H2BC12: variants seen among roughly 807,000 people sequenced by gnomAD.
H2BC12 encodes the protein H2B clustered histone 12.
A neutral mutation model predicts 6.3 loss-of-function variants in H2BC12; 6 were observed. The ratio of observed to expected loss-of-function variants is 0.95; its 90% CI spans 0.52 to 1.87. H2BC12 has a LOEUF of 1.87. Ranked by LOEUF, H2BC12 falls within the 40% of genes most tolerant of loss-of-function variation. The pLI, the probability that H2BC12 is intolerant of heterozygous loss-of-function variation, is 0.01. For missense variants in H2BC12, 119 were observed against 178.4 expected, an observed-to-expected ratio of 0.67 and a Z score of 1.90; for synonymous variants, 132 against 78.5, an observed-to-expected ratio of 1.68 and a Z score of -3.60.
chr6:27,139,683 CAA>C, the H2BC12 span: 167 of 1,529,476 alleles, frequency 1.1e-4, no homozygotes, highest in Admixed American at 2.0e-4. Flanking sequence ...AAGCTTTCAA[CAA>C]AAGAGTTGAA....
At chr6:27,140,348 C>G in the H2BC12 span, among the ~76,000 whole-genome samples, 4 of 152,136 alleles carry the variant, frequency 2.6e-5, no homozygotes, top group Non-Finnish European at 4.4e-5. Flanking sequence ...GTTTACTGTT[C>G]CCACGCGTTT....
At chr6:27,139,831 G>A in the H2BC12 span, 13,518 of 771,168 alleles carry the variant, frequency 0.018, 383 homozygotes, top group East Asian at 0.1. Context: ...AAGGCCAGAA[G>A]AGCCTCTGCT....
At chr6:27,145,343 TC>T (rs1409888471), downstream of H2BC12, among the ~76,000 whole-genome samples, 2 of 123,742 alleles carry the variant, frequency 1.6e-5, no homozygotes, top group Non-Finnish European at 3.6e-5. Context: ...CACACAAAAT[TC>T]CCCTGTGAAA....
chr6:27,144,472 G>C (rs1030032626), downstream of H2BC12, among the ~76,000 whole-genome samples: 132 of 119,852 alleles, frequency 1.1e-3, 11 homozygotes, highest in South Asian at 2.3e-3. Context: ...GGGGGGGGGG[G>C]GGGGGCGGAA....
chr6:27,139,942 G>C, the H2BC12 span: 8 of 313,954 alleles, frequency 2.5e-5, no homozygotes, highest in African/African-American at 1.3e-4. Context: ...ATAGGGGCGG[G>C]CTAGATAATT....
chr6:27,139,730 G>A, the H2BC12 span: 1 of 1,426,316 alleles, frequency 7.0e-7, no homozygotes, highest in Non-Finnish European at 9.3e-7. Context: ...TAGGGCCATT[G>A]TCAGTGAGTT....
Position 27,146,609 on chromosome 6 carries a change from TCATGATTCC to T in H2BC12, c.181_189del (p.Gly61_Met63del). The T allele has an allele frequency of 6.2e-7, 1 of 1,614,256 alleles. No homozygotes were observed. Among genetic ancestry groups the T allele is most frequent in the South Asian group, 1.1e-5 (1 of 91,088 alleles). On this transcript the variant is annotated inframe_deletion, in exon 1 of 1. Transcript: ENST00000356950. The stretch of plus-strand genomic sequence containing the variant: ...TCGAAGATGTCGTTGACGAAGGAGT[TCATGATTCC>T]CATGGCCTTAGAGGAGATGCCGGTG...
the H2BC12 span, among the ~76,000 whole-genome samples, chr6:27,140,282 C>T: frequency 6.6e-6 from 1 of 152,182 alleles, no homozygotes; most frequent in Non-Finnish European, 1.5e-5. Context: ...CACAGCCCTC[C>T]CTTTTTCCTA....
downstream of H2BC12, among the ~76,000 whole-genome samples, chr6:27,144,584 A>G (rs539398612): frequency 6.6e-6 from 1 of 151,172 alleles, no homozygotes; most frequent in East Asian, 2.0e-4. Context: ...CAGTATTTCT[A>G]TTAAAACACA....
chr6:27,142,937 A>G (rs932576676), downstream of H2BC12, among the ~76,000 whole-genome samples: 1 of 152,026 alleles, frequency 6.6e-6, no homozygotes, highest in Non-Finnish European at 1.5e-5. Flanking sequence ...ACGTGGCCAC[A>G]TTATATTTCT....
the H2BC12 span, chr6:27,139,696 A>G: frequency 6.6e-7 from 1 of 1,514,308 alleles, no homozygotes; most frequent in Non-Finnish European, 8.8e-7. Flanking sequence ...AAGAGTTGAA[A>G]TGACTGCAAA....
chr6:27,139,500 G>T, the H2BC12 span: 1 of 1,612,130 alleles, frequency 6.2e-7, no homozygotes, highest in Non-Finnish European at 8.5e-7. Flanking sequence ...TGTTCCTGGA[G>T]AACGTGATCC....
downstream of H2BC12, among the ~76,000 whole-genome samples, chr6:27,145,134 G>GT (rs1334931332): frequency 6.6e-6 from 1 of 152,122 alleles, no homozygotes; most frequent in Non-Finnish European, 1.5e-5. Context: ...GAATATTAAT[G>GT]TAACCCCAAA....
chr6:27,143,363 AAAT>A (rs10558149), downstream of H2BC12, among the ~76,000 whole-genome samples: 13,313 of 151,970 alleles, frequency 0.088, 1,125 homozygotes, highest in African/African-American at 0.21. Flanking sequence ...AAAAAGAAAA[AAAT>A]TTCCTTTCCT....
Position 27,146,395 on chromosome 6 carries a change from T to TTG in H2BC12, c.*22_*23insCA, listed in dbSNP as rs1342332817. The TTG allele has an allele frequency of 1.9e-6, 3 of 1,614,204 alleles. No individual in the cohort carries two copies. The highest frequency in any genetic ancestry group is 2.5e-6 in the Non-Finnish European group (3 of 1,180,036). ...CTTAAAAGAGCCTTTGGGGTTGGGC[T>TTG]TTAAGACGCTTACTTGGCAAGTTTA... On this transcript the variant is annotated 3_prime_UTR_variant, in exon 1 of 1. Coordinates refer to ENST00000356950, the MANE Select transcript of H2BC12 (RefSeq NM_001312653.2).
the H2BC12 span, chr6:27,139,773 C>A: frequency 1.6e-6 from 2 of 1,281,924 alleles, no homozygotes; most frequent in East Asian, 2.6e-5. Context: ...TAACTCGACG[C>A]CGAAAATGGG....
chr6:27,141,398 C>G (rs1031345192), downstream of H2BC12, among the ~76,000 whole-genome samples: 1 of 152,168 alleles, frequency 6.6e-6, no homozygotes, highest in South Asian at 2.1e-4. Context: ...GAGGCCAAAT[C>G]AAATAACCAA....
the H2BC12 span, among the ~76,000 whole-genome samples, chr6:27,140,606 T>A: frequency 2.0e-5 from 3 of 151,952 alleles, no homozygotes; most frequent in Non-Finnish European, 4.4e-5. Context: ...AATGTGCATA[T>A]TCAACATGAA....
At chr6:27,143,886 C>T (rs1415468312), downstream of H2BC12, among the ~76,000 whole-genome samples, 1 of 141,260 alleles carries the variant, frequency 7.1e-6, no homozygotes, top group Non-Finnish European at 1.5e-5. Flanking sequence ...AGACAGGAGA[C>T]AATTTAGCAC....
Sources: gnomAD v4.1 joint callset for allele counts (sites outside exome capture counted in the v4.1 genomes callset) on GRCh38, gnomAD v4.1.1 for gene constraint, MANE v1.5 for transcripts, NCBI Gene and HGNC (gene_info 2026-07-23, HGNC 2026-07-21) for gene names.